The following SSH1 variants were observed in gnomAD, a reference collection of about 807,000 sequenced individuals.
The protein encoded by SSH1 is protein phosphatase Slingshot homolog 1.
In SSH1, 43 loss-of-function variants were observed where a neutral mutation model predicts 79.7. The observed-to-expected ratio is 0.54, with a 90% CI of 0.42 to 0.70. SSH1 has a LOEUF of 0.70. Ranked by LOEUF, SSH1 falls within the 30% of genes least tolerant of loss-of-function variation. The pLI is 0.00. For missense variants in SSH1, 1,206 were observed against 1,358.8 expected, an observed-to-expected ratio of 0.89 and a Z score of 1.77; for synonymous variants, 599 against 538.3, an observed-to-expected ratio of 1.11 and a Z score of -1.56.
intron 2 of SSH1, among the ~76,000 whole-genome samples, chr12:108,848,869 A>T (rs1404542915): frequency 6.7e-6 from 1 of 150,218 alleles, no homozygotes; most frequent in Admixed American, 6.6e-5. Context: ...GCACGGAAGG[A>T]CTCTCGGTGG....
intron 2 of SSH1, among the ~76,000 whole-genome samples, chr12:108,835,313 C>T (rs997034691): frequency 2.0e-5 from 3 of 152,160 alleles, no homozygotes; most frequent in African/African-American, 7.2e-5. Context: ...TGGTGTCGTG[C>T]TCCTGTAATC....
At chr12:108,827,198 A>G in intron 2 of SSH1, 1 of 1,458,390 alleles carries the variant, frequency 6.9e-7, no homozygotes. Flanking sequence ...CAAAATATAA[A>G]CAGCCAGTGT....
Position 108,807,481 on chromosome 12 carries a change from A to T in SSH1, c.731+152T>A. On this transcript the variant is annotated intron_variant, in intron 8 of 14. Coordinates refer to ENST00000326495, the MANE Select transcript of SSH1 (RefSeq NM_018984.4). This position sits in a 1 kb window ranked among gnomAD's most constrained non-coding sequence, Gnocchi z 5.2. ...GGCCTGTGTCACAGACCCCTGCTTT[A>T]AACGCTGGTTCTGAGAAAGCTAGGG... 3.0e-6 allele frequency: 2 copies of T among 664,412 alleles called. No individual in the cohort carries two copies. Among genetic ancestry groups the T allele is most frequent in the Non-Finnish European group, 5.2e-6 (2 of 384,394 alleles). 41.2% of individuals were successfully genotyped at this position (664,412 alleles called of 1,614,324 possible).
In SSH1 at chr12:108,807,550, T is replaced by A; in HGVS notation, c.731+83A>T. 1 of 1,386,628 alleles carries A rather than the reference T, an allele frequency of 7.2e-7. No homozygotes were observed. The highest frequency in any genetic ancestry group is 1.2e-5 in the South Asian group (1 of 83,594). 85.9% of individuals were successfully genotyped at this position (1,386,628 alleles called of 1,614,324 possible). A position where few individuals can be genotyped will look rare whatever the true frequency, so the allele number is the denominator to read the frequency against. On this transcript the variant is annotated intron_variant, in intron 8 of 14. Transcript: ENST00000326495. This position sits in a 1 kb window ranked among gnomAD's most constrained non-coding sequence, Gnocchi z 5.2. ...CAGGGGAGGTGTGGCCCAATGCAGG[T>A]TCAGGGTCGGGCACAGGGCAGGTGG...
intron 11 of SSH1, 105 bp downstream of exon 11, chr12:108,802,217 C>A (rs2037044815): frequency 4.1e-6 from 4 of 980,350 alleles, no homozygotes; most frequent in Non-Finnish European, 6.5e-6. Flanking sequence ...GACCAGGGTG[C>A]AGGCAATTAC....
At chr12:108,799,257 G>T in intron 12 of SSH1, 57 bp from the exon 13 acceptor site, 1 of 1,446,448 alleles carries the variant, frequency 6.9e-7, no homozygotes, top group Non-Finnish European at 9.5e-7. Flanking sequence ...TGGGGAAGGA[G>T]TTAAAAAGCT....
At chr12:108,843,438 G>A (rs959114367) in intron 2 of SSH1, among the ~76,000 whole-genome samples, 2 of 152,186 alleles carry the variant, frequency 1.3e-5, no homozygotes, top group Non-Finnish European at 2.9e-5. Context: ...GGTCTAGTGG[G>A]CAGGGCCAGC....
chr12:108,795,590 C>A (rs1357435809), intron 13 of SSH1, among the ~76,000 whole-genome samples: 1 of 151,716 alleles, frequency 6.6e-6, no homozygotes, highest in Non-Finnish European at 1.5e-5. Context: ...AAAATTTGGG[C>A]CAGGTGTGGT....
intron 5 of SSH1, 154 bp from the exon 6 acceptor site, chr12:108,811,482 A>T: frequency 1.4e-6 from 1 of 725,170 alleles, no homozygotes; most frequent in Non-Finnish European, 2.5e-6. Context: ...ATTCTAGAAG[A>T]CACAGGTCTG....
intron 2 of SSH1, among the ~76,000 whole-genome samples, chr12:108,832,022 G>T (rs906414346): frequency 1.3e-5 from 2 of 152,132 alleles, no homozygotes; most frequent in Admixed American, 1.3e-4. Context: ...GTAAATAATA[G>T]CTTTCTAGTT....
chr12:108,841,859 T>C (rs199503444), intron 2 of SSH1, among the ~76,000 whole-genome samples: 2 of 132,706 alleles, frequency 1.5e-5, no homozygotes, highest in African/African-American at 6.0e-5. Context: ...TATATATATA[T>C]ATAGCTAGGC....
chr12:108,789,689 C>A (rs538621822), intron 14 of SSH1, among the ~76,000 whole-genome samples: 2 of 152,260 alleles, frequency 1.3e-5, no homozygotes, highest in East Asian at 3.9e-4. Context: ...GGAACTGACA[C>A]TTCAGCTGAG....
rs777305493 is a variant in SSH1 at position 108,788,100 on chromosome 12, G to C, written c.3038C>G (p.Ser1013Cys). ...DSQDTTLSES[S>C]FLHEPQGTPR... ...GGTTCCCTGGGGCTCATGCAAGAAG[G>C]AAGATTCACTCAAAGTGGTGTCCTG... The change falls in exon 15 of 15, where the codon TCC becomes TGC. Residue 1013 changes from serine (S) to cysteine (C), a missense_variant. Physicochemically the swap from Ser to Cys is moderately radical, Grantham distance 112. Around this residue, in one of 5 missense-constraint regions of SSH1, gnomAD observed 709 missense variants for 730.6 expected, o/e 0.97. Transcript: ENST00000326495. 6.2e-7 allele frequency: 1 copy of C among 1,614,030 alleles called. No homozygotes were observed. Among genetic ancestry groups the C allele is most frequent in the Non-Finnish European group, 8.5e-7 (1 of 1,180,040 alleles).
rs2036126344 is a variant in SSH1, at chr12:108,779,352, T to C, written c.*8636A>G. The C allele has an allele frequency of 6.6e-6, 1 of 152,184 alleles. No homozygotes were observed. 9.4% of individuals were successfully genotyped at this position (152,184 alleles called of 1,614,324 possible). A position where few individuals can be genotyped will look rare whatever the true frequency, so the allele number is the denominator to read the frequency against. On this transcript the variant is annotated 3_prime_UTR_variant, in exon 15 of 15. Transcript: ENST00000326495. ...CTTTGGAGCAAGAAGTGGGTCCAAT[T>C]TCCCAGGGGCTGGGGGCTTCATCTC...
chr12:108,799,053 G>A lies in SSH1; in HGVS notation c.1296C>T (p.Pro432=). ...YVKQKRSITR[P]NAGFMRQLSE... The stretch of plus-strand genomic sequence containing the variant: ...ACAGCTGCCTCATAAAGCCCGCGTT[G>A]GGGCGCGTGATGCTGCGCTTCTGCT... The change falls in exon 13 of 15, where the codon CCC becomes CCT. Residue 432 remains proline (P), a synonymous_variant. Transcript: ENST00000326495. 6.2e-7 allele frequency: 1 copy of A among 1,614,088 alleles called. No individual in the cohort carries two copies. Among genetic ancestry groups the A allele is most frequent in the Non-Finnish European group, 8.5e-7 (1 of 1,180,048 alleles).
chr12:108,813,219 C>G (rs1178909548), intron 5 of SSH1, among the ~76,000 whole-genome samples: 2 of 152,076 alleles, frequency 1.3e-5, no homozygotes, highest in Admixed American at 6.6e-5. Flanking sequence ...TGGGTGGGAG[C>G]AATTGCAGAA....
chr12:108,812,146 T>C (rs2037641687), intron 5 of SSH1, among the ~76,000 whole-genome samples: 1 of 152,170 alleles, frequency 6.6e-6, no homozygotes, highest in Admixed American at 6.5e-5. Flanking sequence ...TGGGGAAGGT[T>C]GTTCCAAGCC....
chr12:108,807,920 AG>A lies in SSH1; in HGVS notation c.537-94del. Reference sequence around the variant, plus strand: ...AAAGGGGTTCAAATACGGGAAGGGAAGGGCAATGATTGATTGGTTGATTATT... The same window carrying A: ...AAAGGGGTTCAAATACGGGAAGGGAAGGCAATGATTGATTGGTTGATTATT... On this transcript the variant is annotated intron_variant, in intron 7 of 14. Coordinates refer to ENST00000326495, the MANE Select transcript of SSH1 (RefSeq NM_018984.4). This position sits in a 1 kb window ranked among gnomAD's most constrained non-coding sequence, Gnocchi z 5.2. The A allele has an allele frequency of 8.9e-7, 1 of 1,129,012 alleles. No individual in the cohort carries two copies. Among genetic ancestry groups the A allele is most frequent in the Non-Finnish European group, 1.3e-6 (1 of 758,678 alleles). 69.9% of individuals were successfully genotyped at this position (1,129,012 alleles called of 1,614,324 possible). A position where few individuals can be genotyped will look rare whatever the true frequency, so the allele number is the denominator to read the frequency against.
chr12:108,827,322 G>A (rs2038348987), intron 2 of SSH1: 2 of 1,550,884 alleles, frequency 1.3e-6, no homozygotes, highest in African/African-American at 1.4e-5. Flanking sequence ...GGAAGATGCA[G>A]AAGTCGGTAA....
Sources: allele counts gnomAD v4.1 joint callset (sites outside exome capture counted in the v4.1 genomes callset), GRCh38; gene constraint gnomAD v4.1.1; regional missense constraint gnomAD v4.1.1; non-coding constraint Gnocchi (gnomAD v3.1); transcripts MANE v1.5; gene names NCBI Gene and HGNC (gene_info 2026-07-23, HGNC 2026-07-21).